MTO1: variants seen among roughly 807,000 people sequenced by gnomAD.
MTO1 encodes mitochondrial tRNA translation optimization 1.
A neutral mutation model predicts 71.6 loss-of-function variants in MTO1; 46 were observed. The observed-to-expected ratio is 0.64, with a 90% confidence interval of 0.51 to 0.82. MTO1 has a LOEUF of 0.82. MTO1 is among the 40% of genes least tolerant of loss of function. The pLI is 0.00. For missense variants in MTO1, 773 were observed against 867.5 expected, an observed-to-expected ratio of 0.89 and a Z score of 1.37; for synonymous variants, 297 against 312.1, an observed-to-expected ratio of 0.95 and a Z score of 0.51.
chr6:73,482,532 G>T lies in MTO1; in HGVS notation c.1549G>T (p.Val517Leu), dbSNP rs139608228. The change falls in exon 9 of 12, where the codon GTG (valine) becomes TTG (leucine). Residue 517 changes from valine (V) to leucine (L), a missense_variant. Val to Leu is a conservative substitution (Grantham distance 32). Coordinates refer to ENST00000498286, the MANE Select transcript of MTO1 (RefSeq NM_012123.4). ...MKSSLEEGIS[V>L]LKSIEFLSSK... Reference sequence around the variant, plus strand: ...GTCTTCTTTAGAAGAAGGCATTTCTGTGTTGAAATCTATTGAGTTTTTGAG... The same window carrying T: ...GTCTTCTTTAGAAGAAGGCATTTCTTTGTTGAAATCTATTGAGTTTTTGAG... 1 of 1,612,688 alleles carries T rather than the reference G, an allele frequency of 6.2e-7. No homozygotes were observed. The highest frequency in any genetic ancestry group is 1.3e-5 in the African/African-American group (1 of 75,012).
At position 73,461,953 on chromosome 6, in the gene MTO1, G is replaced by C; in HGVS notation, c.99G>C (p.Arg33=). Reference sequence around the variant, plus strand: ...TGAGCAGTGACAGCGCGGCGCCCCGGACTCCGCACTTCGACGTGATAGTCA... The same window carrying C: ...TGAGCAGTGACAGCGCGGCGCCCCGCACTCCGCACTTCGACGTGATAGTCA... The part of the protein sequence containing the change: ...ARLSSDSAAP[R]TPHFDVIVIG... Residue 33 remains arginine (R), a synonymous_variant, in exon 1 of 12, where the codon CGG becomes CGC. Coordinates refer to ENST00000498286, the MANE Select transcript of MTO1 (RefSeq NM_012123.4). 1 of 1,614,258 alleles carries C rather than the reference G, an allele frequency of 6.2e-7. No individual in the cohort carries two copies. The highest frequency in any genetic ancestry group is 8.5e-7 in the Non-Finnish European group (1 of 1,180,050).
At position 73,504,443 on chromosome 6, in the gene MTO1, G is replaced by A. The variant is rs1263294279; in HGVS notation, c.*3708G>A. ...ACCATGTGCCTGGCCCTACCTTAAT[G>A]TTAATATCTGTCTACCTTAAGAAGA... On this transcript the variant is annotated 3_prime_UTR_variant, in exon 12 of 12. Transcript: ENST00000498286. 6.6e-6 allele frequency: 1 copy of A among 152,150 alleles called. No individual in the cohort carries two copies. The highest frequency in any genetic ancestry group is 6.6e-5 in the Admixed American group (1 of 15,262). 9.4% of individuals were successfully genotyped at this position (152,150 alleles called of 1,614,324 possible).
At position 73,505,619 on chromosome 6, in the gene MTO1, G is replaced by T. The variant is rs1197222329; in HGVS notation, c.*4884G>T. On this transcript the variant is annotated 3_prime_UTR_variant, in exon 12 of 12. Transcript: ENST00000498286. ...CACCCAGGCTGGAGTGCAATGGTGT[G>T]ATCTTGGTTCACTGCAACCTCTGCC... is the stretch of plus-strand genomic sequence containing the variant. 2 of 152,152 alleles carry T rather than the reference G, an allele frequency of 1.3e-5. No homozygotes were observed. Among genetic ancestry groups the T allele is most frequent in the African/African-American group, 4.8e-5 (2 of 41,424 alleles). The allele number at this position is 152,152 out of a possible 1,614,324, so 9.4% of individuals were successfully genotyped here.
intron 3 of MTO1, among the ~76,000 whole-genome samples, chr6:73,472,209 G>A (rs1771177939): frequency 6.6e-6 from 1 of 152,118 alleles, no homozygotes; most frequent in Admixed American, 6.6e-5. Context: ...TCTGCTAGAT[G>A]AGTTACCATT....
At chr6:73,491,627 G>A (rs1271786356) in intron 9 of MTO1, among the ~76,000 whole-genome samples, 3 of 152,142 alleles carry the variant, frequency 2.0e-5, no homozygotes, top group African/African-American at 7.2e-5. Flanking sequence ...GTACATTCCA[G>A]TGCTTAGGGA....
At chr6:73,468,826 T>G (rs1437244390) in intron 3 of MTO1, among the ~76,000 whole-genome samples, 2 of 152,076 alleles carry the variant, frequency 1.3e-5, no homozygotes, top group Non-Finnish European at 2.9e-5. Context: ...CAGGCTGGTC[T>G]TGAACTCCTG....
Position 73,503,840 on chromosome 6 carries a change from T to C in MTO1, c.*3105T>C, listed in dbSNP as rs757451828. 2 of 152,260 alleles carry C rather than the reference T, an allele frequency of 1.3e-5. No individual in the cohort carries two copies. The highest frequency in any genetic ancestry group is 2.9e-5 in the Non-Finnish European group (2 of 68,044). The allele number at this position is 152,260 out of a possible 1,614,324, so 9.4% of individuals were successfully genotyped here. A position where few individuals can be genotyped will look rare whatever the true frequency, so the allele number is the denominator to read the frequency against. On this transcript the variant is annotated 3_prime_UTR_variant, in exon 12 of 12. Coordinates refer to ENST00000498286, the MANE Select transcript of MTO1 (RefSeq NM_012123.4). The stretch of plus-strand genomic sequence containing the variant: ...TGGCCTTGAAAATGAAGTTCCTTTA[T>C]AGCCAAGAGCTTAAATTTTGTTACT...
At chr6:73,462,351 A>G (rs1040996958) in intron 1 of MTO1, 20 of 449,066 alleles carry the variant, frequency 4.5e-5, no homozygotes, top group Admixed American at 3.4e-4. Flanking sequence ...GGAGCTACCA[A>G]CTACTCGCTG....
At chr6:73,476,161 A>G (rs1001786189) in intron 4 of MTO1, among the ~76,000 whole-genome samples, 3 of 151,480 alleles carry the variant, frequency 2.0e-5, no homozygotes, top group Non-Finnish European at 2.9e-5. Context: ...TCAGGAGTTC[A>G]AGACCAGTCT....
Position 73,478,094 on chromosome 6 carries a change from C to G in MTO1, c.826-1638C>G, listed in dbSNP as rs181069979. Among the ~76,000 whole-genome samples the G allele has an allele frequency of 2.6e-5, 4 of 151,386 alleles. No homozygotes were observed. The East Asian group carries it at 7.9e-4, about 30-fold the overall frequency. On this transcript the variant is annotated intron_variant, in intron 4 of 11. Coordinates refer to ENST00000498286, the MANE Select transcript of MTO1 (RefSeq NM_012123.4). Reference sequence around the variant, plus strand: ...TGAAACCCCGTCTCTACTAAAAATACAAAAATTAGCTGGGCATGGTGGCAT... The same window carrying G: ...TGAAACCCCGTCTCTACTAAAAATAGAAAAATTAGCTGGGCATGGTGGCAT...
intron 9 of MTO1, among the ~76,000 whole-genome samples, chr6:73,485,940 T>C (rs1022816521): frequency 1.3e-4 from 20 of 151,024 alleles, no homozygotes; most frequent in African/African-American, 1.9e-4. Flanking sequence ...GCGTAACACA[T>C]ACACACACAC....
At position 73,473,517 on chromosome 6, in the gene MTO1, T is replaced by C. The variant is rs1420075191; in HGVS notation, c.688T>C (p.Phe230Leu). The change falls in exon 4 of 12, where the codon TTT becomes CTT. Residue 230 changes from phenylalanine to leucine, a missense_variant. Transcript: ENST00000498286. ...GGCTCAGACACTGGAGAAGTTAGGGTTTGTGGTGGGAAGGTTGAAGACTGG... is the reference window on the plus strand; with the variant it reads ...GGCTCAGACACTGGAGAAGTTAGGGCTTGTGGTGGGAAGGTTGAAGACTGG... ...GLAQTLEKLG[F>L]VVGRLKTGTP... 9.3e-6 allele frequency: 15 copies of C among 1,613,876 alleles called. No homozygotes were observed. The highest frequency in any genetic ancestry group is 1.3e-5 in the Non-Finnish European group (15 of 1,180,032).
chr6:73,484,689 C>T (rs1200890026), intron 9 of MTO1, among the ~76,000 whole-genome samples: 1 of 152,114 alleles, frequency 6.6e-6, no homozygotes, highest in East Asian at 1.9e-4. Flanking sequence ...TTAAAATTGA[C>T]TCATTTCTCC....
intron 7 of MTO1, 24 bp from the exon 8 acceptor site, chr6:73,482,016 T>G: frequency 1.2e-6 from 2 of 1,613,816 alleles, no homozygotes; most frequent in Non-Finnish European, 1.7e-6. Context: ...TAATGGCCTT[T>G]TAAACATTTC....
rs763082580 is a variant in MTO1, at chr6:73,492,303, G to T, written c.1707G>T (p.Leu569Phe). 1 of 1,613,834 alleles carries T rather than the reference G, an allele frequency of 6.2e-7. No homozygotes were observed. Among genetic ancestry groups the T allele is most frequent in the Non-Finnish European group, 8.5e-7 (1 of 1,179,810 alleles). The change falls in exon 10 of 12, where the codon TTG becomes TTT. Residue 569 changes from leucine to phenylalanine, a missense_variant. By Grantham distance (22) the Leu-to-Phe change is conservative. Coordinates refer to ENST00000498286, the MANE Select transcript of MTO1 (RefSeq NM_012123.4). ...DSLAKAVPEP[L>F]KKYTKCRELA... The stretch of plus-strand genomic sequence containing the variant: ...TAGCCAAGGCTGTTCCAGAGCCCTT[G>T]AAGAAGTATACTAAATGTAGAGAGC...
rs200514474 is a variant in MTO1 at position 73,492,266 on chromosome 6, A to T, written c.1670A>T (p.Asp557Val). Residue 557 changes from aspartate to valine, a missense_variant, in exon 10 of 12, where the codon GAC (aspartate) becomes GTC (valine). Coordinates refer to ENST00000498286, the MANE Select transcript of MTO1 (RefSeq NM_012123.4). The stretch of plus-strand genomic sequence containing the variant: ...GATGTTCTGAAGTATGAGGAAGTTG[A>T]CATGGATTCATTAGCCAAGGCTGTT... Reference protein sequence around the residue: ...ALDVLKYEEVDMDSLAKAVPE... With the variant: ...ALDVLKYEEVVMDSLAKAVPE... 1 of 1,613,856 alleles carries T rather than the reference A, an allele frequency of 6.2e-7. No individual in the cohort carries two copies. Among genetic ancestry groups the T allele is most frequent in the African/African-American group, 1.3e-5 (1 of 75,068 alleles).
Position 73,480,176 on chromosome 6 carries a change from T to C in MTO1, c.1129+50T>C, listed in dbSNP as rs1388611151. On this transcript the variant is annotated intron_variant, in intron 6 of 11. Transcript: ENST00000498286. ...CAGTATAAGGTCAGCATTGTTTTAATGGTCAGTGAGGAGGCCTTAGCTACA... is the reference window on the plus strand; with the variant it reads ...CAGTATAAGGTCAGCATTGTTTTAACGGTCAGTGAGGAGGCCTTAGCTACA... The C allele has an allele frequency of 2.5e-6, 4 of 1,576,254 alleles. No homozygotes were observed. The Admixed American group carries it at 5.1e-5, about 20-fold the overall frequency.
intron 3 of MTO1, 31 bp downstream of exon 3, chr6:73,466,637 A>T (rs373503659): frequency 3.2e-6 from 5 of 1,550,372 alleles, no homozygotes; most frequent in Non-Finnish European, 4.4e-6. Flanking sequence ...GTGTATGATA[A>T]CAGCATATCA....
chr6:73,495,599 T>C (rs1771959002), intron 10 of MTO1, among the ~76,000 whole-genome samples: 1 of 152,014 alleles, frequency 6.6e-6, no homozygotes, highest in African/African-American at 2.4e-5. Context: ...ATATAACACA[T>C]ATCAGTGGTT....
Sources: allele counts gnomAD v4.1 joint callset (sites outside exome capture counted in the v4.1 genomes callset), GRCh38; gene constraint gnomAD v4.1.1; transcripts MANE v1.5; gene names NCBI Gene and HGNC (gene_info 2026-07-23, HGNC 2026-07-21).